ANKAR: variants seen among roughly 807,000 people sequenced by gnomAD.
ANKAR encodes the protein ankyrin and armadillo repeat-containing protein.
Under a neutral mutation model 146.2 loss-of-function variants are expected in ANKAR, and 136 were observed. The observed-to-expected ratio is 0.93, with a 90% CI of 0.81 to 1.07. The LOEUF (loss-of-function observed/expected upper bound fraction) is 1.07, where lower values mean the gene tolerates loss of function less well. Ranked by LOEUF, ANKAR falls within the 50% of genes least tolerant of loss-of-function variation. The pLI is 0.00. For synonymous variants in ANKAR, 500 were observed against 575.8 expected (o/e 0.87, Z 1.88); for missense variants, 1,567 against 1,679.9 (o/e 0.93, Z 1.18).
rs530313226 is a variant in ANKAR at position 189,733,265 on chromosome 2, A to G, written c.3423+36A>G. The G allele has an allele frequency of 1.7e-5, 26 of 1,544,336 alleles. No individual in the cohort carries two copies. In the East Asian group the frequency reaches 5.7e-4, roughly 34 times the overall value. Reference sequence around the variant, plus strand: ...TACAAAATATTGAGGTTCATTTTGAAAAAAATGGTTTTTATACCACATCTT... The same window carrying G: ...TACAAAATATTGAGGTTCATTTTGAGAAAAATGGTTTTTATACCACATCTT... On this transcript the variant is annotated intron_variant, in intron 17 of 22. Transcript: ENST00000684021.
chr2:189,727,756 T>C, intron 12 of ANKAR, 100 bp from the exon 13 acceptor site: 1 of 1,396,658 alleles, frequency 7.2e-7, no homozygotes, highest in Non-Finnish European at 9.6e-7. Context: ...AAGCTTTTTA[T>C]AAATTTGATT....
At chr2:189,762,895 GCT>G (rs894561840), downstream of ANKAR, 68 of 985,404 alleles carry the variant, frequency 6.9e-5, no homozygotes, top group African/African-American at 1.1e-3. Context: ...TGCCCAAAAC[GCT>G]CTCTGTGCGC....
chr2:189,692,819 C>T (rs2036622742), intron 4 of ANKAR: 1 of 266,150 alleles, frequency 3.8e-6, no homozygotes, highest in Admixed American at 5.4e-5. Flanking sequence ...TAATTCTTCA[C>T]CTGGAATTTA....
chr2:189,729,871 C>G (rs1275617947), intron 15 of ANKAR, among the ~76,000 whole-genome samples: 1 of 151,962 alleles, frequency 6.6e-6, no homozygotes, highest in Non-Finnish European at 1.5e-5. Flanking sequence ...CATAAACCCA[C>G]TGTATATTTA....
intron 18 of ANKAR, among the ~76,000 whole-genome samples, chr2:189,758,306 G>A (rs752968811): frequency 3.3e-5 from 5 of 152,028 alleles, no homozygotes; most frequent in Non-Finnish European, 7.4e-5. Context: ...GCTTGAACCC[G>A]GGAGGCGGAG....
downstream of ANKAR, chr2:189,761,550 C>T (rs1260946867): frequency 6.2e-7 from 1 of 1,610,830 alleles, no homozygotes; most frequent in Non-Finnish European, 8.5e-7. Context: ...AATAGTGTTC[C>T]AGGATGAAAA....
At chr2:189,720,440 G>A (rs533497146) in intron 11 of ANKAR, among the ~76,000 whole-genome samples, 179 bp from the exon 12 acceptor site, 1 of 152,068 alleles carries the variant, frequency 6.6e-6, no homozygotes, top group African/African-American at 2.4e-5. Context: ...TAGAGATGGG[G>A]TTTCACCATG....
intron 8 of ANKAR, 133 bp from the exon 9 acceptor site, chr2:189,706,805 G>A (rs1381569120): frequency 2.4e-5 from 15 of 637,988 alleles, no homozygotes; most frequent in African/African-American, 1.7e-4. Context: ...TGTAGAATAC[G>A]GAAGATGAGA....
intron 10 of ANKAR, among the ~76,000 whole-genome samples, chr2:189,711,764 C>T (rs1010739189): frequency 3.3e-5 from 5 of 152,250 alleles, no homozygotes; most frequent in African/African-American, 1.2e-4. Flanking sequence ...GGGTACAGCC[C>T]ATGGGTGAGC....
chr2:189,675,579 A>T (rs560308693), intron 1 of ANKAR, among the ~76,000 whole-genome samples: 2 of 152,218 alleles, frequency 1.3e-5, no homozygotes, highest in South Asian at 4.1e-4. Context: ...AACTCCTGAC[A>T]TCAGTTGATC....
chr2:189,686,504 T>A (rs955420663), intron 2 of ANKAR, among the ~76,000 whole-genome samples: 1 of 152,208 alleles, frequency 6.6e-6, no homozygotes, highest in Admixed American at 6.5e-5. Context: ...ATTTATTAAA[T>A]GATGATTACT....
At chr2:189,681,846 T>C (rs1325230295) in intron 2 of ANKAR, among the ~76,000 whole-genome samples, 1 of 152,204 alleles carries the variant, frequency 6.6e-6, no homozygotes, top group Non-Finnish European at 1.5e-5. Flanking sequence ...TATCAGTGCT[T>C]TCCTGATATG....
chr2:189,737,978 A>G, intron 18 of ANKAR, 137 bp downstream of exon 18: 1 of 751,796 alleles, frequency 1.3e-6, no homozygotes, highest in Non-Finnish European at 2.0e-6. Context: ...AGCCCCTTCT[A>G]CCTCATAAAA....
chr2:189,711,901 C>T (rs2039743031), intron 10 of ANKAR, among the ~76,000 whole-genome samples: 1 of 152,340 alleles, frequency 6.6e-6, no homozygotes, highest in South Asian at 2.1e-4. Flanking sequence ...AAACACTGTG[C>T]TTTTCCAATG....
At chr2:189,729,703 T>TGTGTGTGTGTGTGTGTGCGC (rs1480424151) in intron 15 of ANKAR, among the ~76,000 whole-genome samples, 2 of 146,292 alleles carry the variant, frequency 1.4e-5, no homozygotes, top group African/African-American at 4.9e-5. Context: ...TGCGTGTGTG[T>TGTGTGTGTGTGTGTGTGCGC]GTGTGTGTGT....
chr2:189,761,227 A>G (rs147107644), downstream of ANKAR: 325 of 431,366 alleles, frequency 7.5e-4, 1 homozygote, highest in African/African-American at 6.3e-3. Context: ...AGGATTAGTT[A>G]AGGTTGGGAC....
At chr2:189,711,875 C>T (rs530875396) in intron 10 of ANKAR, among the ~76,000 whole-genome samples, 139 of 152,346 alleles carry the variant, frequency 9.1e-4, no homozygotes, top group South Asian at 2.1e-4. Context: ...CCTGAAAAAA[C>T]GGGGCATTCA....
rs544675885 is a variant in ANKAR, at chr2:189,736,760, T to C, written c.3424-923T>C. 5.3e-5 allele frequency among the ~76,000 whole-genome samples: 8 copies of C among 151,980 alleles called. No homozygotes were observed. The South Asian group carries it at 1.0e-3, about 20-fold the overall frequency. On this transcript the variant is annotated intron_variant, in intron 17 of 22. Transcript: ENST00000684021. ...AGTATGTACATGCAGCATTTTAATA[T>C]TATGATTAACAGTGGCAGAAGAAAA...
chr2:189,710,126 T>C (rs911338059), intron 9 of ANKAR, among the ~76,000 whole-genome samples: 4 of 152,200 alleles, frequency 2.6e-5, no homozygotes, highest in Admixed American at 6.5e-5. Context: ...AGCTGAATTT[T>C]AAAAGAGGAT....
Sources: allele counts gnomAD v4.1 joint callset (sites outside exome capture counted in the v4.1 genomes callset), GRCh38; gene constraint gnomAD v4.1.1; transcripts MANE v1.5; gene names NCBI Gene and HGNC (gene_info 2026-07-23, HGNC 2026-07-21).